PCDHA8: variants seen among roughly 807,000 people sequenced by gnomAD.
PCDHA8 encodes the protein protocadherin alpha-8.
In PCDHA8, 53 loss-of-function variants were observed where a neutral mutation model predicts 61.8. That is an observed-to-expected ratio of 0.86 (90% CI 0.69 to 1.08). The LOEUF (loss-of-function observed/expected upper bound fraction) is 1.08. Ranked by LOEUF, PCDHA8 falls within the 50% of genes least tolerant of loss-of-function variation. PCDHA8 has a pLI of 0.00. For missense variants in PCDHA8, 1,293 were observed against 1,245.0 expected (o/e 1.04, Z -0.58); for synonymous variants, 618 against 556.6 (o/e 1.11, Z -1.55).
At chr5:140,992,514 G>A (rs1256283066) in intron 3 of PCDHA8, among the ~76,000 whole-genome samples, 1 of 152,176 alleles carries the variant, frequency 6.6e-6, no homozygotes, top group Non-Finnish European at 1.5e-5. Flanking sequence ...CTGGGGCATG[G>A]TAGCTAATGG....
chr5:140,938,797 G>A (rs76361474), intron 1 of PCDHA8, among the ~76,000 whole-genome samples: 2 of 151,926 alleles, frequency 1.3e-5, no homozygotes, highest in East Asian at 1.9e-4. Flanking sequence ...TGAAATAATC[G>A]GTACCACAAA....
chr5:140,868,979 C>T, intron 1 of PCDHA8: 6 of 1,485,290 alleles, frequency 4.0e-6, no homozygotes, highest in Non-Finnish European at 5.4e-6. Flanking sequence ...TCCATCATAC[C>T]GGATGCCACC....
At chr5:140,915,059 C>T (rs1554196724) in intron 1 of PCDHA8, among the ~76,000 whole-genome samples, 1 of 151,706 alleles carries the variant, frequency 6.6e-6, no homozygotes, top group Non-Finnish European at 1.5e-5. Flanking sequence ...GATTCTCCTG[C>T]CTTAGCCTAC....
At chr5:140,863,049 G>A (rs781969311) in intron 1 of PCDHA8, 1 of 561,608 alleles carries the variant, frequency 1.8e-6, no homozygotes, top group Non-Finnish European at 3.5e-6. Flanking sequence ...TCAGCTGGCA[G>A]CACCCGTTCC....
chr5:140,927,972 T>C, intron 1 of PCDHA8: 1 of 1,614,190 alleles, frequency 6.2e-7, no homozygotes, highest in Non-Finnish European at 8.5e-7. Context: ...CAGTGATTGC[T>C]CTCTTTAGTG....
intron 1 of PCDHA8, chr5:140,856,539 A>G (rs782181557): frequency 1.3e-6 from 2 of 1,598,342 alleles, no homozygotes; most frequent in South Asian, 2.2e-5. Context: ...GTTGGAGAGA[A>G]CGCATTGCTT....
rs2150522888 is a variant in PCDHA8 at position 140,852,815 on chromosome 5, T to G, written c.2394+9100T>G. 1.8e-5 allele frequency: 18 copies of G among 973,398 alleles called. No homozygotes were observed. In the East Asian group the frequency reaches 1.4e-3, roughly 74 times the overall value. 60.3% of individuals were successfully genotyped at this position (973,398 alleles called of 1,614,324 possible). On this transcript the variant is annotated intron_variant, in intron 1 of 3. Coordinates refer to ENST00000531613, the MANE Select transcript of PCDHA8 (RefSeq NM_018911.3). ...TACAGATGTCATTTGTCTCCCGCCC[T>G]AAGTCCTCCAGTCTCCTTAGAGCTA...
rs116326633 is a variant in PCDHA8 at position 141,003,488 on chromosome 5, G to A, written c.2543-6139G>A. Reference sequence around the variant, plus strand: ...CACCACAGTCTCGCTAATTTTTATAGTTTTAGTAGAGATGGGGTTTCACCA... The same window carrying A: ...CACCACAGTCTCGCTAATTTTTATAATTTTAGTAGAGATGGGGTTTCACCA... On this transcript the variant is annotated intron_variant, in intron 3 of 3. Transcript: ENST00000531613. 8.1e-3 allele frequency among the ~76,000 whole-genome samples: 1,225 copies of A among 152,062 alleles called. 19 individuals are homozygous for A. The highest frequency in any genetic ancestry group is 0.028 in the African/African-American group (1,155 of 41,502).
chr5:140,891,055 G>A (rs2062932146), intron 1 of PCDHA8, among the ~76,000 whole-genome samples: 1 of 152,142 alleles, frequency 6.6e-6, no homozygotes, highest in Admixed American at 6.5e-5. Context: ...ACAGCACATA[G>A]TAAATATTAT....
chr5:140,994,229 A>G (rs1488908759), intron 3 of PCDHA8, among the ~76,000 whole-genome samples: 3 of 152,188 alleles, frequency 2.0e-5, no homozygotes, highest in African/African-American at 7.2e-5. Flanking sequence ...TGTCTATGTT[A>G]TAATCAATTC....
At chr5:140,966,763 G>C (rs1020607410) in intron 1 of PCDHA8, 1 of 1,470,370 alleles carries the variant, frequency 6.8e-7, no homozygotes, top group Non-Finnish European at 9.0e-7. Flanking sequence ...CGCGGCCAGT[G>C]GCTATGGAGC....
chr5:140,955,468 T>C (rs1394591179), intron 1 of PCDHA8, among the ~76,000 whole-genome samples: 1 of 152,116 alleles, frequency 6.6e-6, no homozygotes, highest in Non-Finnish European at 1.5e-5. Context: ...TCCTTTTTGC[T>C]TGGCACCTCT....
chr5:140,843,640 C>G lies in PCDHA8; in HGVS notation c.2319C>G (p.Ser773Arg). 6.3e-7 allele frequency: 1 copy of G among 1,595,494 alleles called. No individual in the cohort carries two copies. The highest frequency in any genetic ancestry group is 8.6e-7 in the Non-Finnish European group (1 of 1,165,052). ...CGAAGACGGACCTCATGGCCTTCAG[C>G]CCCTGCCTTCCTCCTGATCTGGGAT... The part of the protein sequence containing the change: ...GPPKTDLMAF[S>R]PCLPPDLGSV... Residue 773 changes from serine to arginine, a missense_variant, in exon 1 of 4, where the codon AGC (serine) becomes AGG (arginine). Transcript: ENST00000531613.
chr5:140,841,310 C>T lies in PCDHA8; in HGVS notation c.-12C>T. 1 of 1,550,948 alleles carries T rather than the reference C, an allele frequency of 6.4e-7. No individual in the cohort carries two copies. Among genetic ancestry groups the T allele is most frequent in the South Asian group, 1.2e-5 (1 of 86,574 alleles). On this transcript the variant is annotated 5_prime_UTR_variant, in exon 1 of 4. It adds an upstream start codon to the 5' untranslated region. Transcript: ENST00000531613. Reference sequence around the variant, plus strand: ...TAAGATAATATTTTCTGATAGGAAACGACTATTTAACATGGATTATCACTG... The same window carrying T: ...TAAGATAATATTTTCTGATAGGAAATGACTATTTAACATGGATTATCACTG...
At chr5:140,987,235 TAAAG>T (rs1182642222) in intron 3 of PCDHA8, among the ~76,000 whole-genome samples, 2 of 151,266 alleles carry the variant, frequency 1.3e-5, no homozygotes, top group African/African-American at 2.4e-5. Flanking sequence ...AAATAATAAA[TAAAG>T]AAAGAAAGAC....
intron 1 of PCDHA8, chr5:140,863,417 G>C: frequency 7.1e-6 from 5 of 701,160 alleles, no homozygotes; most frequent in African/African-American, 1.8e-5. Context: ...CTGGTGTACC[G>C]CAGCGTAGTG....
intron 1 of PCDHA8, chr5:140,882,963 T>C (rs2059384915): frequency 3.7e-6 from 6 of 1,614,088 alleles, no homozygotes; most frequent in Admixed American, 1.7e-5. Context: ...CTCATCACGA[T>C]TCTGGACGTG....
At chr5:140,935,382 T>G (rs1475831801) in intron 1 of PCDHA8, among the ~76,000 whole-genome samples, 1 of 152,218 alleles carries the variant, frequency 6.6e-6, no homozygotes, top group Non-Finnish European at 1.5e-5. Flanking sequence ...AATTACTCAT[T>G]TGTTATCCCA....
Position 140,842,796 on chromosome 5 carries a change from A to T in PCDHA8, c.1475A>T (p.Tyr492Phe), listed in dbSNP as rs2150344571. The T allele has an allele frequency of 6.3e-7, 1 of 1,594,198 alleles. No homozygotes were observed. ...GCGCAGGAGAACGCGCTGGTGTCCT[A>T]CTCGCTTGTGGAGCGGCGGGTGGGC... ...ADAQENALVS[Y>F]SLVERRVGER... Residue 492 changes from tyrosine to phenylalanine, a missense_variant, in exon 1 of 4, where the codon TAC becomes TTC. Physicochemically the swap from Tyr to Phe is conservative, Grantham distance 22. Transcript: ENST00000531613.
Sources: gnomAD v4.1 joint callset for allele counts (sites outside exome capture counted in the v4.1 genomes callset) on GRCh38, gnomAD v4.1.1 for gene constraint, MANE v1.5 for transcripts, NCBI Gene and HGNC (gene_info 2026-07-23, HGNC 2026-07-21) for gene names.